Variants in TET1 observed in about 807,000 individuals in gnomAD.
TET1 encodes the protein methylcytosine dioxygenase TET1.
A neutral mutation model predicts 148.7 loss-of-function variants in TET1; 13 were observed. The ratio of observed to expected loss-of-function variants is 0.09; its 90% CI spans 0.06 to 0.14. The LOEUF (loss-of-function observed/expected upper bound fraction) is 0.14, where lower values mean the gene tolerates loss of function less well. Ranked by LOEUF, TET1 falls within the 10% of genes least tolerant of loss-of-function variation. The probability of loss-of-function intolerance (pLI) is 1.00; values close to 1 mark genes in which losing one functional copy is unlikely to be tolerated. For missense variants in TET1, 2,182 were observed against 2,553.8 expected (o/e 0.85, Z 3.14); for synonymous variants, 907 against 937.2 (o/e 0.97, Z 0.59).
chr10:68,612,385 C>T (rs1346640209), intron 3 of TET1, among the ~76,000 whole-genome samples: 4 of 151,938 alleles, frequency 2.6e-5, no homozygotes, highest in East Asian at 1.9e-4. Context: ...CCACCGGGCC[C>T]GGCCAGTCAT....
At chr10:68,563,591 C>G (rs1026550400) in intron 1 of TET1, among the ~76,000 whole-genome samples, 2 of 152,196 alleles carry the variant, frequency 1.3e-5, no homozygotes, top group African/African-American at 4.8e-5. Flanking sequence ...ATCAGTTAAG[C>G]ATTTTTGCCC....
chr10:68,656,628 T>C (rs531518444), intron 6 of TET1, among the ~76,000 whole-genome samples: 1 of 152,270 alleles, frequency 6.6e-6, no homozygotes, highest in Non-Finnish European at 1.5e-5. Context: ...AAAATATTCA[T>C]ATCACTTACT....
intron 1 of TET1, among the ~76,000 whole-genome samples, chr10:68,567,843 G>C (rs566158075): frequency 2.0e-5 from 3 of 152,010 alleles, no homozygotes; most frequent in African/African-American, 7.2e-5. Context: ...GAGAACATAT[G>C]GTTCTCACAA....
chr10:68,624,658 T>TC (rs2054439423), intron 3 of TET1, among the ~76,000 whole-genome samples: 3 of 95,278 alleles, frequency 3.1e-5, no homozygotes, highest in South Asian at 3.7e-4. Flanking sequence ...CTTTCTTTCT[T>TC]TCTCTCTCTC....
chr10:68,606,750 A>T (rs2054131241), intron 3 of TET1, among the ~76,000 whole-genome samples: 1 of 152,216 alleles, frequency 6.6e-6, no homozygotes, highest in Non-Finnish European at 1.5e-5. Flanking sequence ...TTTAATTTTT[A>T]AAAATGGAAA....
intron 6 of TET1, among the ~76,000 whole-genome samples, chr10:68,659,767 A>G (rs188719557): frequency 2.1e-3 from 320 of 152,334 alleles, no homozygotes; most frequent in African/African-American, 6.8e-3. Flanking sequence ...ACACACAGAA[A>G]AGTATACATA....
At chr10:68,578,973 C>T (rs748623375) in intron 2 of TET1, among the ~76,000 whole-genome samples, 3 of 152,106 alleles carry the variant, frequency 2.0e-5, no homozygotes, top group South Asian at 2.1e-4. Context: ...GCTATGATCG[C>T]GCCACTGCAC....
At chr10:68,585,948 C>A (rs2053856268) in intron 2 of TET1, among the ~76,000 whole-genome samples, 3 of 148,612 alleles carry the variant, frequency 2.0e-5, no homozygotes, top group Admixed American at 1.4e-4. Flanking sequence ...ACGGAGGTTG[C>A]AGTCAGCTGA....
At chr10:68,584,079 G>T (rs370805760) in intron 2 of TET1, among the ~76,000 whole-genome samples, 1 of 149,186 alleles carries the variant, frequency 6.7e-6, no homozygotes, top group African/African-American at 2.5e-5. Context: ...TTGCTTTGTC[G>T]CCCAGGCTAG....
chr10:68,622,529 G>T (rs1022186040), intron 3 of TET1, among the ~76,000 whole-genome samples: 13 of 151,926 alleles, frequency 8.6e-5, no homozygotes, highest in African/African-American at 2.9e-4. Context: ...GCCTCCCAAA[G>T]TGCTGGGATT....
At position 68,572,848 on chromosome 10, in the gene TET1, G is replaced by T. The variant is rs781424040; in HGVS notation, c.510G>T (p.Glu170Asp). Residue 170 changes from glutamate to aspartate, a missense_variant, in exon 2 of 12, where the codon GAG (glutamate) becomes GAT (aspartate). This residue lies in a region of TET1 where 665 missense variants were observed against 672.4 expected (regional missense o/e 0.99). Coordinates refer to ENST00000373644, the MANE Select transcript of TET1 (RefSeq NM_030625.3). ...MQDTQVLPDIETLIGVQNPSL... is the reference protein window; with the variant it reads ...MQDTQVLPDIDTLIGVQNPSL... ...ACACCCAAGTCCTTCCTGATATAGA[G>T]ACTCTAATTGGTGTACAAAATCCCT... 2.0e-5 allele frequency: 32 copies of T among 1,614,002 alleles called. No individual in the cohort carries two copies. In the East Asian group the frequency reaches 6.9e-4, roughly 35 times the overall value.
At chr10:68,631,848 G>A (rs1184320584) in intron 3 of TET1, among the ~76,000 whole-genome samples, 1 of 151,974 alleles carries the variant, frequency 6.6e-6, no homozygotes, top group Admixed American at 6.6e-5. Context: ...AGAGACCCAA[G>A]ACCACAGGGG....
At chr10:68,568,743 C>T (rs564523453) in intron 1 of TET1, among the ~76,000 whole-genome samples, 118 of 152,060 alleles carry the variant, frequency 7.8e-4, no homozygotes, top group Admixed American at 1.2e-3. Flanking sequence ...CCCAGCTATT[C>T]GGGCAGCTGA....
At position 68,572,564 on chromosome 10, in the gene TET1, A is replaced by G. The variant is rs759719530; in HGVS notation, c.226A>G (p.Arg76Gly). The G allele has an allele frequency of 2.5e-6, 4 of 1,614,166 alleles. No homozygotes were observed. The highest frequency in any genetic ancestry group is 3.4e-6 in the Non-Finnish European group (4 of 1,180,010). Residue 76 changes from arginine to glycine, a missense_variant, in exon 2 of 12, where the codon AGA becomes GGA. Arg to Gly is a moderately radical substitution (Grantham distance 125). This residue lies in a region of TET1 where 665 missense variants were observed against 672.4 expected (regional missense o/e 0.99). Coordinates refer to ENST00000373644, the MANE Select transcript of TET1 (RefSeq NM_030625.3). The stretch of plus-strand genomic sequence containing the variant: ...CGTGCCAGTCAGAAGCCTTCTGACA[A>G]GAGCTGGAGCAGCACGCATGAATTT... Reference protein sequence around the residue: ...PPVPVRSLLTRAGAARMNLDR... With the variant: ...PPVPVRSLLTGAGAARMNLDR...
At chr10:68,612,621 T>C (rs1416458976) in intron 3 of TET1, among the ~76,000 whole-genome samples, 1 of 152,052 alleles carries the variant, frequency 6.6e-6, no homozygotes, top group African/African-American at 2.4e-5. Context: ...GGGTTTTTTG[T>C]TTTTGTTTTG....
At chr10:68,647,348 A>T (rs1424017453) in intron 4 of TET1, among the ~76,000 whole-genome samples, 1 of 152,204 alleles carries the variant, frequency 6.6e-6, no homozygotes, top group Non-Finnish European at 1.5e-5. Flanking sequence ...TCTTGCCTGT[A>T]ATCCCAACAT....
intron 3 of TET1, among the ~76,000 whole-genome samples, chr10:68,637,807 T>G (rs1427312773): frequency 6.7e-6 from 1 of 150,064 alleles, no homozygotes; most frequent in African/African-American, 2.4e-5. Flanking sequence ...GGGAGATGGT[T>G]GCAGTGAGCC....
At chr10:68,582,593 G>A (rs1393112396) in intron 2 of TET1, among the ~76,000 whole-genome samples, 1 of 152,164 alleles carries the variant, frequency 6.6e-6, no homozygotes, top group Non-Finnish European at 1.5e-5. Flanking sequence ...CTTTCCATGT[G>A]ATAATTGTCT....
chr10:68,581,814 G>A (rs909247473), intron 2 of TET1, among the ~76,000 whole-genome samples: 2 of 151,222 alleles, frequency 1.3e-5, no homozygotes, highest in African/African-American at 4.9e-5. Context: ...TACAGCCTGG[G>A]CGACAGAGTG....
Sources: allele counts gnomAD v4.1 joint callset (sites outside exome capture counted in the v4.1 genomes callset), GRCh38; gene constraint gnomAD v4.1.1; regional missense constraint gnomAD v4.1.1; transcripts MANE v1.5; gene names NCBI Gene and HGNC (gene_info 2026-07-23, HGNC 2026-07-21).